Variants in OTOF observed in about 807,000 individuals in gnomAD.
OTOF encodes the protein fer-1-like family member 2.
In OTOF, 218 loss-of-function variants were observed where a neutral mutation model predicts 236.8. The ratio of observed to expected loss-of-function variants is 0.92; its 90% CI spans 0.82 to 1.03. OTOF has a LOEUF of 1.03. Ranked by LOEUF, OTOF falls within the 50% of genes least tolerant of loss-of-function variation. The pLI, the probability that OTOF is intolerant of heterozygous loss-of-function variation, is 0.00. For synonymous variants in OTOF, 1,041 were observed against 1,072.5 expected, an observed-to-expected ratio of 0.97 and a Z score of 0.57; for missense variants, 2,590 against 2,694.4, an observed-to-expected ratio of 0.96 and a Z score of 0.86.
At chr2:26,556,648 A>C (rs1667592566) in intron 1 of OTOF, among the ~76,000 whole-genome samples, 1 of 152,168 alleles carries the variant, frequency 6.6e-6, no homozygotes, top group African/African-American at 2.4e-5. Context: ...GCTGGCCCCC[A>C]GGTGGCCCAG....
chr2:26,475,413 C>T lies in OTOF; in HGVS notation c.3072G>A (p.Glu1024=). 2 of 1,613,204 alleles carry T rather than the reference C, an allele frequency of 1.2e-6. No homozygotes were observed. The highest frequency in any genetic ancestry group is 8.5e-7 in the Non-Finnish European group (1 of 1,179,946). The part of the protein sequence containing the change: ...DNLELYGEAH[E]LRDDPPIIVI... ...CAATGATGGGCGGATCGTCCCTCAG[C>T]TCATGAGCTTCACCATAGAGCTCCA... Residue 1024 remains glutamate (E), a synonymous_variant, in exon 25 of 47, where the codon GAG becomes GAA. Transcript: ENST00000272371.
chr2:26,463,487 T>C lies in OTOF; in HGVS notation c.5188A>G (p.Lys1730Glu), dbSNP rs1664579873. ...TPLDISPRKP[K>E]KYELRVIIWN... ...GCTGGGCCCCAGGCCGCTCACTTCT[T>C]GGGCTTCCGAGGTGAGATGTCCAGA... The change falls in exon 41 of 47, where the codon AAG becomes GAG. Residue 1730 changes from lysine (K) to glutamate (E), a missense_variant. This residue lies in a region of OTOF where 1,211 missense variants were observed against 1,352.8 expected (regional missense o/e 0.90). Coordinates refer to ENST00000272371, the MANE Select transcript of OTOF (RefSeq NM_194248.3). 1 of 1,601,412 alleles carries C rather than the reference T, an allele frequency of 6.2e-7. No homozygotes were observed.
chr2:26,476,864 C>T, intron 22 of OTOF, 27 bp downstream of exon 22: 1 of 1,601,160 alleles, frequency 6.2e-7, no homozygotes. Context: ...GGACCCAGGC[C>T]CCCATCCATC....
chr2:26,530,946 C>T (rs1290397061), intron 2 of OTOF, among the ~76,000 whole-genome samples: 5 of 152,172 alleles, frequency 3.3e-5, no homozygotes, highest in Admixed American at 3.3e-4. Flanking sequence ...GGGGGTTACT[C>T]CCATTTGGCC....
In OTOF at chr2:26,558,495, C is replaced by A. The variant is rs749555751; in HGVS notation, c.77G>T (p.Arg26Leu). 1.9e-6 allele frequency: 3 copies of A among 1,613,602 alleles called. No homozygotes were observed. The African/African-American group carries it at 4.0e-5, about 22-fold the overall frequency. The change falls in exon 1 of 47, where the codon CGA becomes CTA. Residue 26 changes from arginine (R) to leucine (L), a missense_variant and splice_region_variant. Physicochemically the swap from Arg to Leu is moderately radical, Grantham distance 102. Coordinates refer to ENST00000272371, the MANE Select transcript of OTOF (RefSeq NM_194248.3). ...RGDRIAKVTF[R>L]GQSFYSRVLE... ...CTCTGAGACAGCGGCTTCCCTACCT[C>A]GGAAAGTCACTTTGGCGATCCGGTC...
rs1259713103 is a variant in OTOF at position 26,519,122 on chromosome 2, GA to G, written c.228-14del. 3.9e-6 allele frequency: 6 copies of G among 1,543,772 alleles called. No homozygotes were observed. Among genetic ancestry groups the G allele is most frequent in the Admixed American group, 1.7e-5 (1 of 57,334 alleles). ...GGTCCCGATGAGCCTGGGGATGGCAGAGGGGGCACGGTGGTAACATGGAAGA... is the reference window on the plus strand; with the variant it reads ...GGTCCCGATGAGCCTGGGGATGGCAGGGGGGCACGGTGGTAACATGGAAGA... On this transcript the variant is annotated splice_polypyrimidine_tract_variant and intron_variant, in intron 3 of 46. Coordinates refer to ENST00000272371, the MANE Select transcript of OTOF (RefSeq NM_194248.3).
At chr2:26,530,846 G>A (rs1666930106) in intron 2 of OTOF, among the ~76,000 whole-genome samples, 1 of 152,110 alleles carries the variant, frequency 6.6e-6, no homozygotes, top group Admixed American at 6.5e-5. Flanking sequence ...GATCAAGCCG[G>A]CACCTCTAGG....
rs1415917697 is a variant in OTOF, at chr2:26,480,905, C to T, written c.1684G>A (p.Gly562Ser). The change falls in exon 15 of 47, where the codon GGT becomes AGT. Residue 562 changes from glycine to serine, a missense_variant. Gly to Ser is a moderately conservative substitution (Grantham distance 56, BLOSUM62 0). Transcript: ENST00000272371. ...HQDLNEGLGE[G>S]VSFRARLLLG... ...AGGAGCCGGGCCCGGAAGGACACACCCTCCCCCAGGCCCTCGTTCAGGTCC... is the reference window on the plus strand; with the variant it reads ...AGGAGCCGGGCCCGGAAGGACACACTCTCCCCCAGGCCCTCGTTCAGGTCC... 4 of 1,612,838 alleles carry T rather than the reference C, an allele frequency of 2.5e-6. No homozygotes were observed. The Admixed American group carries it at 5.0e-5, about 20-fold the overall frequency.
chr2:26,476,318 C>G lies in OTOF; in HGVS notation c.2677-1G>C. ...AGCCGAAGCCCCGCTTCCCTGGCAG[C>G]TGGGGGTGGGCATGGGGTCACCAGG... On this transcript the variant is annotated splice_acceptor_variant, in intron 22 of 46. Coordinates refer to ENST00000272371, the MANE Select transcript of OTOF (RefSeq NM_194248.3). LOFTEE classifies it high-confidence loss of function. 2 of 1,602,156 alleles carry G rather than the reference C, an allele frequency of 1.2e-6. No homozygotes were observed. The highest frequency in any genetic ancestry group is 1.7e-6 in the Non-Finnish European group (2 of 1,179,688).
rs1664713093 is a variant in OTOF, at chr2:26,466,063, T to A, written c.4514A>T (p.His1505Leu). The change falls in exon 37 of 47, where the codon CAC becomes CTC. Residue 1505 changes from histidine (H) to leucine (L), a missense_variant. Coordinates refer to ENST00000272371, the MANE Select transcript of OTOF (RefSeq NM_194248.3). Reference protein sequence around the residue: ...RVYVVRATDLHPADINGKADP... With the variant: ...RVYVVRATDLLPADINGKADP... Reference sequence around the variant, plus strand: ...AGCTTTGCCGTTGATGTCAGCAGGGTGCAGGTCCGTGGCCTGGAATGGGGA... The same window carrying A: ...AGCTTTGCCGTTGATGTCAGCAGGGAGCAGGTCCGTGGCCTGGAATGGGGA... The A allele has an allele frequency of 1.2e-6, 2 of 1,614,116 alleles. No homozygotes were observed. Among genetic ancestry groups the A allele is most frequent in the African/African-American group, 2.7e-5 (2 of 75,022 alleles).
At chr2:26,505,981 A>G (rs1666237850) in intron 5 of OTOF, among the ~76,000 whole-genome samples, 6 of 152,248 alleles carry the variant, frequency 3.9e-5, no homozygotes, top group Admixed American at 3.9e-4. Flanking sequence ...GTGACATAAC[A>G]TTGAACAGAT....
intron 8 of OTOF, among the ~76,000 whole-genome samples, chr2:26,495,338 G>A (rs2148072404): frequency 6.6e-6 from 1 of 152,318 alleles, no homozygotes; most frequent in Non-Finnish European, 1.5e-5. Flanking sequence ...AACTTGCTGG[G>A]CCGAAGGGAG....
chr2:26,481,047 C>T (rs568839821), intron 14 of OTOF, 38 bp from the exon 15 acceptor site: 2 of 1,505,404 alleles, frequency 1.3e-6, no homozygotes, highest in African/African-American at 1.4e-5. Context: ...GGCAGCGTCA[C>T]ATCCAGTTTC....
Position 26,471,163 on chromosome 2 carries a change from C to T in OTOF, c.3865-13G>A. 1 of 1,614,072 alleles carries T rather than the reference C, an allele frequency of 6.2e-7. No individual in the cohort carries two copies. Among genetic ancestry groups the T allele is most frequent in the Non-Finnish European group, 8.5e-7 (1 of 1,179,990 alleles). ...CAGCTTCAGAAGTCTGCAGAGGAAC[C>T]AAGGAGACAGGGGCAGAATCAGCCA... On this transcript the variant is annotated splice_polypyrimidine_tract_variant and intron_variant, in intron 30 of 46. Coordinates refer to ENST00000272371, the MANE Select transcript of OTOF (RefSeq NM_194248.3).
At chr2:26,516,911 C>T (rs981763586) in intron 4 of OTOF, among the ~76,000 whole-genome samples, 1 of 152,188 alleles carries the variant, frequency 6.6e-6, no homozygotes, top group Non-Finnish European at 1.5e-5. Flanking sequence ...GACTCACCCC[C>T]CGAGTCCACT....
At position 26,483,452 on chromosome 2, in the gene OTOF, A is replaced by G; in HGVS notation, c.1392+10T>C. ...CCAGCCCCAGCCTCCTGTACCTCATACCCCAGTACCTTCTGGCCAGCAAAG... is the reference window on the plus strand; with the variant it reads ...CCAGCCCCAGCCTCCTGTACCTCATGCCCCAGTACCTTCTGGCCAGCAAAG... On this transcript the variant is annotated intron_variant, in intron 13 of 46. Transcript: ENST00000272371. 1 of 1,612,988 alleles carries G rather than the reference A, an allele frequency of 6.2e-7. No individual in the cohort carries two copies. Among genetic ancestry groups the G allele is most frequent in the Non-Finnish European group, 8.5e-7 (1 of 1,179,660 alleles).
chr2:26,483,027 G>A (rs990462440), intron 13 of OTOF, among the ~76,000 whole-genome samples: 9 of 150,436 alleles, frequency 6.0e-5, no homozygotes, highest in South Asian at 2.1e-4. Context: ...GTGTGTGTGC[G>A]TGTGTGAGTG....
intron 3 of OTOF, among the ~76,000 whole-genome samples, chr2:26,525,784 G>A (rs1027848882): frequency 1.3e-5 from 2 of 151,984 alleles, no homozygotes; most frequent in Non-Finnish European, 2.9e-5. Context: ...ATGGATCAGT[G>A]AATGGAAAGA....
At chr2:26,531,259 G>A (rs544142655) in intron 2 of OTOF, among the ~76,000 whole-genome samples, 5 of 152,272 alleles carry the variant, frequency 3.3e-5, no homozygotes, top group African/African-American at 9.6e-5. Flanking sequence ...ACAACACCGA[G>A]GCTTGTATCT....
Sources: gnomAD v4.1 joint callset for allele counts (sites outside exome capture counted in the v4.1 genomes callset) on GRCh38, gnomAD v4.1.1 for gene constraint, gnomAD v4.1.1 regional missense constraint, MANE v1.5 for transcripts, NCBI Gene and HGNC (gene_info 2026-07-23, HGNC 2026-07-21) for gene names.